Variants in TLCD3B observed in about 807,000 individuals in gnomAD.
TLCD3B encodes the protein ceramide synthase.
Under a neutral mutation model 23.0 loss-of-function variants are expected in TLCD3B, and 9 were observed. The ratio of observed to expected loss-of-function variants is 0.39; its 90% CI spans 0.24 to 0.68. The LOEUF (loss-of-function observed/expected upper bound fraction) is 0.68, where lower values mean the gene tolerates loss of function less well. Ranked by LOEUF, TLCD3B falls within the 30% of genes least tolerant of loss-of-function variation. The probability of loss-of-function intolerance (pLI) is 0.44; values close to 1 mark genes in which losing one functional copy is unlikely to be tolerated. For synonymous variants in TLCD3B, 161 were observed against 161.0 expected, an observed-to-expected ratio of 1.00 and a Z score of 0.00; for missense variants, 307 against 371.8, an observed-to-expected ratio of 0.83 and a Z score of 1.43.
intron 3 of TLCD3B, 109 bp downstream of exon 3, chr16:30,026,500 T>C (rs1307645927): frequency 4.4e-6 from 4 of 918,416 alleles, no homozygotes; most frequent in Admixed American, 4.5e-5. Context: ...ACGCTGGGTC[T>C]GCTTGGTTGT....
chr16:30,039,101 CTCTTTTTTTTTT>C (rs1240325679), intron 3 of TLCD3B, among the ~76,000 whole-genome samples: 4 of 120,856 alleles, frequency 3.3e-5, no homozygotes, highest in Admixed American at 9.0e-5. Context: ...CCTCCTTCCT[CTCTTTTTTTTTT>C]TTTTTTTTTT....
intron 3 of TLCD3B, chr16:30,036,375 T>C: frequency 7.8e-7 from 1 of 1,287,080 alleles, no homozygotes; most frequent in East Asian, 5.5e-5. Context: ...TACATAGATA[T>C]CATTTTTGTT....
At chr16:30,039,561 G>A (rs2071540607) in intron 3 of TLCD3B, among the ~76,000 whole-genome samples, 1 of 152,002 alleles carries the variant, frequency 6.6e-6, no homozygotes, top group South Asian at 2.1e-4. Context: ...CTCCAGAGTA[G>A]CTGGGACTAC....
In TLCD3B at chr16:30,029,071, C is replaced by A. The variant is rs1447757370; in HGVS notation, c.209+361G>T. The stretch of plus-strand genomic sequence containing the variant: ...GGGAAGGGCTGAGGGGTGAGCCTGG[C>A]ATGAGGAGGGGGCACCCCATCTGGG... On this transcript the variant is annotated intron_variant, in intron 2 of 4. Coordinates refer to ENST00000380495, the MANE Select transcript of TLCD3B (RefSeq NM_031478.6). This position sits in a 1 kb window ranked among gnomAD's most constrained non-coding sequence, Gnocchi z 4.6. Among the ~76,000 whole-genome samples, 1 of 152,116 alleles carries A rather than the reference C, an allele frequency of 6.6e-6. No individual in the cohort carries two copies. The highest frequency in any genetic ancestry group is 1.5e-5 in the Non-Finnish European group (1 of 68,014).
chr16:30,045,708 T>G (rs1265752638), intron 2 of TLCD3B, among the ~76,000 whole-genome samples: 1 of 143,038 alleles, frequency 7.0e-6, no homozygotes, highest in Non-Finnish European at 1.5e-5. Context: ...TGTGTGTGTG[T>G]TGTGTGTGTT....
intron 1 of TLCD3B, among the ~76,000 whole-genome samples, chr16:30,049,695 C>T (rs1009123827): frequency 1.3e-5 from 2 of 152,038 alleles, no homozygotes; most frequent in South Asian, 2.1e-4. Context: ...GGGAGGCCGA[C>T]GTGGACAAAT....
At chr16:30,051,274 C>G (rs1188739481) in intron 1 of TLCD3B, among the ~76,000 whole-genome samples, 2 of 151,944 alleles carry the variant, frequency 1.3e-5, no homozygotes, top group African/African-American at 4.8e-5. Flanking sequence ...TGGCTCACAC[C>G]TGTAATCCCA....
Position 30,029,929 on chromosome 16 carries a change from G to A in TLCD3B, c.126-414C>T. ...GCAGGCCTCACTCTGGACCCTTTGT[G>A]ACCCCGAGTTCCCCAGTCACTTTCC... is the stretch of plus-strand genomic sequence containing the variant. On this transcript the variant is annotated intron_variant, in intron 1 of 4. Transcript: ENST00000380495. This position sits in a 1 kb window ranked among gnomAD's most constrained non-coding sequence, Gnocchi z 4.6. 1.1e-6 allele frequency: 1 copy of A among 903,444 alleles called. No homozygotes were observed. The highest frequency in any genetic ancestry group is 1.6e-6 in the Non-Finnish European group (1 of 626,432). 56.0% of individuals were successfully genotyped at this position (903,444 alleles called of 1,614,324 possible).
chr16:30,043,065 A>C (rs1023626491), intron 2 of TLCD3B, among the ~76,000 whole-genome samples: 1 of 152,046 alleles, frequency 6.6e-6, no homozygotes, highest in African/African-American at 2.4e-5. Context: ...AGACCACTGC[A>C]CTCCAGCCTG....
At chr16:30,035,077 A>C, upstream of TLCD3B, 1 of 237,984 alleles carries the variant, frequency 4.2e-6, no homozygotes, top group East Asian at 1.2e-4. Flanking sequence ...ATACCTGGCT[A>C]ATTTTTGTAT....
chr16:30,042,555 C>T (rs2071595094), intron 2 of TLCD3B, among the ~76,000 whole-genome samples: 1 of 152,154 alleles, frequency 6.6e-6, no homozygotes, highest in African/African-American at 2.4e-5. Context: ...TCAATCCCAA[C>T]ATCCAATGAG....
rs570093970 is a variant in TLCD3B at position 30,050,834 on chromosome 16, A to G, written c.-294+1940T>C. Among the ~76,000 whole-genome samples, 11 of 152,282 alleles carry G rather than the reference A, an allele frequency of 7.2e-5. No homozygotes were observed. The South Asian group carries it at 2.3e-3, about 32-fold the overall frequency. ...GGTGAGGTATGTTGGGGTGGAGAAC[A>G]TGGACAAAAATAGGTATATGGTGGC... On this transcript the variant is annotated intron_variant, in intron 1 of 6. Coordinates refer to the TLCD3B transcript ENST00000561666.
chr16:30,028,956 G>A (rs979090304), intron 2 of TLCD3B, among the ~76,000 whole-genome samples: 6 of 152,130 alleles, frequency 3.9e-5, no homozygotes, highest in African/African-American at 1.4e-4. Flanking sequence ...ATCCCCTCCC[G>A]CACTGCCTGG....
intron 3 of TLCD3B, among the ~76,000 whole-genome samples, chr16:30,040,133 C>CA (rs1205462051): frequency 0.039 from 3,266 of 84,802 alleles, 183 homozygotes; most frequent in East Asian, 0.11. Context: ...GACTTTGTCT[C>CA]AAAAAAAAAA....
At chr16:30,027,773 C>G (rs1185453106) in intron 2 of TLCD3B, 1 of 421,180 alleles carries the variant, frequency 2.4e-6, no homozygotes, top group African/African-American at 2.0e-5. Context: ...AGTCCCAAGA[C>G]TGGCCTGGGG....
intron 3 of TLCD3B, chr16:30,036,377 AT>A: frequency 7.8e-7 from 1 of 1,287,018 alleles, no homozygotes; most frequent in South Asian, 1.2e-5. Context: ...CATAGATATC[AT>A]TTTTGTTTAG....
intron 3 of TLCD3B, 85 bp downstream of exon 3, chr16:30,026,524 C>T (rs923274342): frequency 2.2e-5 from 27 of 1,233,250 alleles, no homozygotes; most frequent in African/African-American, 3.0e-5. Flanking sequence ...TACGCAGACC[C>T]GGGGCTTCCC....
rs1207456482 is a variant in TLCD3B at position 30,029,264 on chromosome 16, A to ATT, written c.209+166_209+167dup. 6.6e-6 allele frequency among the ~76,000 whole-genome samples: 1 copy of ATT among 152,088 alleles called. No individual in the cohort carries two copies. The highest frequency in any genetic ancestry group is 2.4e-5 in the African/African-American group (1 of 41,390). On this transcript the variant is annotated intron_variant, in intron 2 of 4. Coordinates refer to ENST00000380495, the MANE Select transcript of TLCD3B (RefSeq NM_031478.6). The surrounding 1 kb of genome is among the most constrained non-coding windows in gnomAD (Gnocchi z 4.6). ...GACCTTTAAGGACAGGACAGGATAA[A>ATT]TTTATCCCTGGGTGTTGAGTTGCGG...
intron 2 of TLCD3B, among the ~76,000 whole-genome samples, chr16:30,027,364 G>A (rs2071193849): frequency 6.6e-6 from 1 of 152,212 alleles, no homozygotes; most frequent in African/African-American, 2.4e-5. Flanking sequence ...TAAAAGGTAG[G>A]TGTGGCCATC....
Sources: gnomAD v4.1 joint callset for allele counts (sites outside exome capture counted in the v4.1 genomes callset) on GRCh38, gnomAD v4.1.1 for gene constraint, Gnocchi (gnomAD v3.1) non-coding constraint, MANE v1.5 for transcripts, NCBI Gene and HGNC (gene_info 2026-07-23, HGNC 2026-07-21) for gene names.